SLC12A4: variants seen among roughly 807,000 people sequenced by gnomAD.
SLC12A4 encodes electroneutral potassium-chloride cotransporter 1.
A neutral mutation model predicts 119.2 loss-of-function variants in SLC12A4; 84 were observed. The observed-to-expected ratio is 0.70, with a 90% CI of 0.59 to 0.85. The LOEUF is 0.85. Ranked by LOEUF, SLC12A4 falls within the 40% of genes least tolerant of loss-of-function variation. The pLI, the probability that SLC12A4 is intolerant of heterozygous loss-of-function variation, is 0.00. For missense variants in SLC12A4, 1,298 were observed against 1,476.3 expected (o/e 0.88, Z 1.98); for synonymous variants, 599 against 604.6 (o/e 0.99, Z 0.14).
In SLC12A4 at chr16:67,951,790, C is replaced by T. The variant is rs557581648; in HGVS notation, c.1132+33G>A. ...TCTGTGCCCCTGCTCAGCCTGTGGG[C>T]TCAAGAGCAAGACGACGGGAGGGAG... On this transcript the variant is annotated intron_variant, in intron 8 of 23. Coordinates refer to ENST00000316341, the MANE Select transcript of SLC12A4 (RefSeq NM_005072.5). This position sits in a 1 kb window ranked among gnomAD's most constrained non-coding sequence, Gnocchi z 5.2. 2.6e-6 allele frequency: 4 copies of T among 1,566,516 alleles called. No individual in the cohort carries two copies. The African/African-American group carries it at 5.4e-5, about 21-fold the overall frequency.
chr16:67,959,367 G>T (rs917302589), intron 3 of SLC12A4, among the ~76,000 whole-genome samples: 1 of 152,178 alleles, frequency 6.6e-6, no homozygotes, highest in African/African-American at 2.4e-5. Flanking sequence ...CATACGGGGA[G>T]AGGGGACAGG....
intron 1 of SLC12A4, among the ~76,000 whole-genome samples, chr16:67,965,327 C>T (rs962597565): frequency 1.3e-5 from 2 of 152,128 alleles, no homozygotes; most frequent in Admixed American, 6.6e-5. Context: ...AAAGTGTCTC[C>T]CTTTGATAAA....
At position 67,946,920 on chromosome 16, in the gene SLC12A4, C is replaced by T. The variant is rs2058357130; in HGVS notation, c.2241+17G>A. The stretch of plus-strand genomic sequence containing the variant: ...CCCCTGTAGTCTGGCTCAGCTCTCC[C>T]TCCCCAAAGCAAGTACCTGCTCGGC... On this transcript the variant is annotated intron_variant, in intron 17 of 23. Coordinates refer to ENST00000316341, the MANE Select transcript of SLC12A4 (RefSeq NM_005072.5). The T allele has an allele frequency of 3.1e-6, 5 of 1,609,954 alleles. No homozygotes were observed. The highest frequency in any genetic ancestry group is 1.7e-4 in the Middle Eastern group (1 of 6,060).
chr16:67,950,564 C>A lies in SLC12A4; in HGVS notation c.1455-71G>T. The A allele has an allele frequency of 6.2e-7, 1 of 1,609,030 alleles. No individual in the cohort carries two copies. The highest frequency in any genetic ancestry group is 8.5e-7 in the Non-Finnish European group (1 of 1,176,896). On this transcript the variant is annotated intron_variant, in intron 11 of 23. Coordinates refer to ENST00000316341, the MANE Select transcript of SLC12A4 (RefSeq NM_005072.5). The surrounding 1 kb of genome is among the most constrained non-coding windows in gnomAD (Gnocchi z 4.3). ...GGCACAGACCACCAAAGGCAGCCAG[C>A]AGGCTTAGGACCACCCACGGGGTTG...
At chr16:67,947,604 G>C in intron 15 of SLC12A4, 65 bp downstream of exon 15, 8 of 1,550,926 alleles carry the variant, frequency 5.2e-6, no homozygotes, top group Non-Finnish European at 7.0e-6. Flanking sequence ...CCCAATGCCA[G>C]ACCACCCTGC....
chr16:67,957,836 G>A, intron 4 of SLC12A4, 40 bp from the exon 5 acceptor site: 1 of 1,614,136 alleles, frequency 6.2e-7, no homozygotes, highest in South Asian at 1.1e-5. Context: ...TCAGCTGGGT[G>A]GGCTCTGTGG....
chr16:67,950,325 G>A lies in SLC12A4; in HGVS notation c.1623C>T (p.Phe541=), dbSNP rs759471402. The change falls in exon 12 of 24, where the codon TTC becomes TTT. Residue 541 remains phenylalanine (F), a synonymous_variant. Transcript: ENST00000316341. The surrounding 1 kb of genome is among the most constrained non-coding windows in gnomAD (Gnocchi z 4.3). ...QAIAKDNIIP[F]LRVFGHGKVN... ...GGAGTGCAGAGGGGCTCACCCGGAG[G>A]AAGGGGATGATGTTGTCCTTGGCAA... 3 of 1,613,754 alleles carry A rather than the reference G, an allele frequency of 1.9e-6. No homozygotes were observed. The highest frequency in any genetic ancestry group is 2.5e-6 in the Non-Finnish European group (3 of 1,179,964).
intron 3 of SLC12A4, among the ~76,000 whole-genome samples, chr16:67,959,690 A>T (rs555580418): frequency 6.6e-6 from 1 of 152,286 alleles, no homozygotes; most frequent in African/African-American, 2.4e-5. Context: ...TCCCACCCCC[A>T]TCCCAGGCTG....
At position 67,949,452 on chromosome 16, in the gene SLC12A4, A is replaced by T. The variant is rs1330015004; in HGVS notation, c.1748+348T>A. On this transcript the variant is annotated intron_variant, in intron 13 of 23. Transcript: ENST00000316341. This position sits in a 1 kb window ranked among gnomAD's most constrained non-coding sequence, Gnocchi z 4.6. The stretch of plus-strand genomic sequence containing the variant: ...GGTGAGAGAGTGAGACTCTGTCTCA[A>T]AAAAAAAAAACAAAAACCAAAAAAC... 1 of 177,316 alleles carries T rather than the reference A, an allele frequency of 5.6e-6. No homozygotes were observed. Among genetic ancestry groups the T allele is most frequent in the African/African-American group, 2.4e-5 (1 of 41,516 alleles). The allele number at this position is 177,316 out of a possible 1,614,324, so 11.0% of individuals were successfully genotyped here.
chr16:67,946,539 T>A lies in SLC12A4; in HGVS notation c.2336A>T (p.Gln779Leu), dbSNP rs763857832. ...CCGCATGCCTCCCAGGCCACAGGAC[T>A]GGATGAGGTGGGCCAGCCCCTCCCG... is the stretch of plus-strand genomic sequence containing the variant. ...KVREGLAHLI[Q>L]SCGLGGMRHN... The change falls in exon 18 of 24, where the codon CAG becomes CTG. Residue 779 changes from glutamine (Q) to leucine (L), a missense_variant. Physicochemically the swap from Gln to Leu is moderately radical, Grantham distance 113. Transcript: ENST00000316341. 1 of 1,611,666 alleles carries A rather than the reference T, an allele frequency of 6.2e-7. No homozygotes were observed. The highest frequency in any genetic ancestry group is 8.5e-7 in the Non-Finnish European group (1 of 1,179,996).
At chr16:67,967,658 G>C (rs1050940340) in intron 1 of SLC12A4, among the ~76,000 whole-genome samples, 2 of 152,150 alleles carry the variant, frequency 1.3e-5, no homozygotes, top group African/African-American at 4.8e-5. Context: ...GAGGGAGATG[G>C]GGCTTACCTC....
intron 6 of SLC12A4, among the ~76,000 whole-genome samples, chr16:67,952,803 A>G (rs1342540569): frequency 6.7e-6 from 1 of 149,710 alleles, no homozygotes; most frequent in Non-Finnish European, 1.5e-5. Context: ...AAAAATAAAA[A>G]ATAGGTCAGC....
rs1450629841 is a variant in SLC12A4 at position 67,944,287 on chromosome 16, TCTC to T, written c.*550_*552del. ...GGGCCTGGGTTCAGTTCCGCCTTCT[TCTC>T]TTGGCGCCAGGGGAAACAGAGCCGG... On this transcript the variant is annotated 3_prime_UTR_variant, in exon 24 of 24. Coordinates refer to ENST00000316341, the MANE Select transcript of SLC12A4 (RefSeq NM_005072.5). This position sits in a 1 kb window ranked among gnomAD's most constrained non-coding sequence, Gnocchi z 6.6. 5.0e-6 allele frequency: 7 copies of T among 1,409,258 alleles called. No individual in the cohort carries two copies. The highest frequency in any genetic ancestry group is 5.5e-6 in the Non-Finnish European group (6 of 1,083,482). The allele number at this position is 1,409,258 out of a possible 1,614,324, so 87.3% of individuals were successfully genotyped here.
chr16:67,956,783 G>A (rs1233326210), intron 5 of SLC12A4, among the ~76,000 whole-genome samples: 2 of 151,174 alleles, frequency 1.3e-5, no homozygotes, highest in African/African-American at 4.9e-5. Flanking sequence ...AAATGCATAT[G>A]TATATATACA....
intron 5 of SLC12A4, 133 bp from the exon 6 acceptor site, chr16:67,954,906 G>T: frequency 9.4e-7 from 1 of 1,069,334 alleles, no homozygotes. Flanking sequence ...TAGAGGGGCT[G>T]GGAGACCTAC....
At position 67,949,710 on chromosome 16, in the gene SLC12A4, TG is replaced by T; in HGVS notation, c.1748+89del. 1 of 848,238 alleles carries T rather than the reference TG, an allele frequency of 1.2e-6. No individual in the cohort carries two copies. The highest frequency in any genetic ancestry group is 1.9e-6 in the Non-Finnish European group (1 of 537,656). The allele number at this position is 848,238 out of a possible 1,614,324, so 52.5% of individuals were successfully genotyped here. On this transcript the variant is annotated intron_variant, in intron 13 of 23. Transcript: ENST00000316341. This position sits in a 1 kb window ranked among gnomAD's most constrained non-coding sequence, Gnocchi z 4.6. Reference sequence around the variant, plus strand: ...CATGCAGCCTGCCACATCTCCCAGCTGGACCTCCAACACCAGACGCAGCCAC... The same window carrying T: ...CATGCAGCCTGCCACATCTCCCAGCTGACCTCCAACACCAGACGCAGCCAC...
At position 67,949,139 on chromosome 16, in the gene SLC12A4, T is replaced by G. The variant is rs986985601; in HGVS notation, c.1748+661A>C. On this transcript the variant is annotated intron_variant, in intron 13 of 23. Coordinates refer to ENST00000316341, the MANE Select transcript of SLC12A4 (RefSeq NM_005072.5). The surrounding 1 kb of genome is among the most constrained non-coding windows in gnomAD (Gnocchi z 4.6). ...GATTTGCCTGGCTGATTCCAGAATGTTAAAAGCAAATGACTTTGAAAATGG... is the reference window on the plus strand; with the variant it reads ...GATTTGCCTGGCTGATTCCAGAATGGTAAAAGCAAATGACTTTGAAAATGG... 1.3e-5 allele frequency among the ~76,000 whole-genome samples: 2 copies of G among 152,128 alleles called. No individual in the cohort carries two copies. Among genetic ancestry groups the G allele is most frequent in the Non-Finnish European group, 2.9e-5 (2 of 68,022 alleles).
Position 67,950,312 on chromosome 16 carries a change from G to T in SLC12A4, c.1629+7C>A. 1 of 1,613,170 alleles carries T rather than the reference G, an allele frequency of 6.2e-7. No individual in the cohort carries two copies. ...GCCAGGCCATGGGGGAGTGCAGAGG[G>T]GCTCACCCGGAGGAAGGGGATGATG... On this transcript the variant is annotated splice_region_variant and intron_variant, in intron 12 of 23. Coordinates refer to ENST00000316341, the MANE Select transcript of SLC12A4 (RefSeq NM_005072.5). The surrounding 1 kb of genome is among the most constrained non-coding windows in gnomAD (Gnocchi z 4.3).
chr16:67,944,767 G>A lies in SLC12A4; in HGVS notation c.*73C>T, dbSNP rs1316687936. The A allele has an allele frequency of 3.8e-6, 6 of 1,566,258 alleles. No individual in the cohort carries two copies. The highest frequency in any genetic ancestry group is 1.8e-5 in the Admixed American group (1 of 56,090). On this transcript the variant is annotated 3_prime_UTR_variant, in exon 24 of 24. Coordinates refer to ENST00000316341, the MANE Select transcript of SLC12A4 (RefSeq NM_005072.5). The surrounding 1 kb of genome is among the most constrained non-coding windows in gnomAD (Gnocchi z 6.6). Reference sequence around the variant, plus strand: ...GCTGGCAGGTGGGTGCTGGGAAGAGGCTGTTACCCCAGACCACAGCTTGTT... The same window carrying A: ...GCTGGCAGGTGGGTGCTGGGAAGAGACTGTTACCCCAGACCACAGCTTGTT...
Sources: gnomAD v4.1 joint callset for allele counts (sites outside exome capture counted in the v4.1 genomes callset) on GRCh38, gnomAD v4.1.1 for gene constraint, Gnocchi (gnomAD v3.1) non-coding constraint, MANE v1.5 for transcripts, NCBI Gene and HGNC (gene_info 2026-07-23, HGNC 2026-07-21) for gene names.